Variants in KCNAB2 observed in about 807,000 individuals in gnomAD.
The protein encoded by KCNAB2 is voltage-gated potassium channel subunit beta-2.
A neutral mutation model predicts 63.6 loss-of-function variants in KCNAB2; 29 were observed. The ratio of observed to expected loss-of-function variants is 0.46; its 90% CI spans 0.34 to 0.62. KCNAB2 has a LOEUF of 0.62. KCNAB2 is among the 20% of genes least tolerant of loss of function. The pLI is 0.01. For missense variants in KCNAB2, 359 were observed against 563.9 expected (o/e 0.64, Z 3.68); for synonymous variants, 222 against 224.2 (o/e 0.99, Z 0.09).
In KCNAB2 at chr1:6,099,657, C is replaced by T; in HGVS notation, c.*1083C>T. ...GGGTTTTGTGGAGCGCATGCTTGGACCCTTTCAGTAAGGAAGGGTCTTTGG... is the reference window on the plus strand; with the variant it reads ...GGGTTTTGTGGAGCGCATGCTTGGATCCTTTCAGTAAGGAAGGGTCTTTGG... On this transcript the variant is annotated 3_prime_UTR_variant, in exon 16 of 16. Transcript: ENST00000378083. The T allele has an allele frequency of 8.6e-7, 1 of 1,162,510 alleles. No individual in the cohort carries two copies. Among genetic ancestry groups the T allele is most frequent in the Non-Finnish European group, 1.2e-6 (1 of 855,822 alleles). 72.0% of individuals were successfully genotyped at this position (1,162,510 alleles called of 1,614,324 possible).
intron 8 of KCNAB2, among the ~76,000 whole-genome samples, chr1:6,089,412 T>C (rs4908764): frequency 0.83 from 126,474 of 152,304 alleles, 53,250 homozygotes; most frequent in East Asian, 0.98. Context: ...CTGGGATGCC[T>C]GCAGCGCCCA....
chr1:6,058,754 G>C (rs1662059162), intron 2 of KCNAB2, among the ~76,000 whole-genome samples: 1 of 152,258 alleles, frequency 6.6e-6, no homozygotes, highest in Admixed American at 6.5e-5. Flanking sequence ...GGAGGAGGGA[G>C]GGAGGCGAGC....
At chr1:6,010,531 C>T (rs1480084272) in intron 1 of KCNAB2, among the ~76,000 whole-genome samples, 3 of 152,268 alleles carry the variant, frequency 2.0e-5, no homozygotes, top group Admixed American at 6.5e-5. Flanking sequence ...ACAGGCCTTG[C>T]TCTGAACAGC....
intron 2 of KCNAB2, among the ~76,000 whole-genome samples, chr1:6,052,403 G>A (rs1196634576): frequency 6.6e-6 from 1 of 151,796 alleles, no homozygotes; most frequent in Non-Finnish European, 1.5e-5. Flanking sequence ...TCCAGGCTGG[G>A]TGACAGAGCG....
At chr1:6,095,465 G>GCGC in intron 12 of KCNAB2, 22 bp downstream of exon 12, 137 of 1,584,350 alleles carry the variant, frequency 8.6e-5, no homozygotes, top group Non-Finnish European at 1.1e-4. Flanking sequence ...CGGGCCCCTC[G>GCGC]CCCCGCCCCA....
In KCNAB2 at chr1:6,095,361, G is replaced by A. The variant is rs367915512; in HGVS notation, c.771G>A (p.Pro257=). ...YSVARQFNLT[P]PICEQAEYHM... ...TGGCCCGGCAGTTCAACCTGACCCCGCCCATCTGCGAGCAGGCTGAGTACC... is the reference window on the plus strand; with the variant it reads ...TGGCCCGGCAGTTCAACCTGACCCCACCCATCTGCGAGCAGGCTGAGTACC... The change falls in exon 12 of 16, where the codon CCG becomes CCA. Residue 257 remains proline (P), a synonymous_variant. Coordinates refer to ENST00000378083, the MANE Select transcript of KCNAB2 (RefSeq NM_001199862.2). The A allele has an allele frequency of 7.1e-5, 115 of 1,612,956 alleles. No homozygotes were observed. The highest frequency in any genetic ancestry group is 4.8e-4 in the African/African-American group (36 of 75,054).
intron 2 of KCNAB2, among the ~76,000 whole-genome samples, chr1:6,063,089 C>T (rs1662456217): frequency 6.6e-6 from 1 of 151,350 alleles, no homozygotes; most frequent in African/African-American, 2.4e-5. Flanking sequence ...TGCAGTAGCG[C>T]AACCTCGGCT....
chr1:6,049,388 C>T (rs776235846), intron 1 of KCNAB2, among the ~76,000 whole-genome samples: 10 of 152,206 alleles, frequency 6.6e-5, no homozygotes, highest in Non-Finnish European at 1.3e-4. Flanking sequence ...CACAGGACAG[C>T]TAGAAAGGAA....
chr1:6,006,818 T>G (rs1352784824), intron 1 of KCNAB2, among the ~76,000 whole-genome samples: 1 of 150,504 alleles, frequency 6.6e-6, no homozygotes, highest in Non-Finnish European at 1.5e-5. Flanking sequence ...TGAGTTCCCC[T>G]GTGCAAGTGG....
rs116578487 is a variant in KCNAB2, at chr1:6,059,016, G to A, written c.218+7262G>A. ...TCTCCAGCCCCAGCTTCCCTAAAGGGACAGAACAGCCCTTCCCTCCCCCAC... is the reference window on the plus strand; with the variant it reads ...TCTCCAGCCCCAGCTTCCCTAAAGGAACAGAACAGCCCTTCCCTCCCCCAC... On this transcript the variant is annotated intron_variant, in intron 2 of 15. Transcript: ENST00000378083. Among the ~76,000 whole-genome samples, 551 of 152,228 alleles carry A rather than the reference G, an allele frequency of 3.6e-3. 7 individuals are homozygous for A. The highest frequency in any genetic ancestry group is 0.013 in the African/African-American group (535 of 41,520).
rs558784461 is a variant in KCNAB2 at position 6,090,370 on chromosome 1, C to G, written c.515-19C>G. On this transcript the variant is annotated intron_variant, in intron 8 of 15. Coordinates refer to ENST00000378083, the MANE Select transcript of KCNAB2 (RefSeq NM_001199862.2). The stretch of plus-strand genomic sequence containing the variant: ...ATGGAGCCACAGCAGTGACGCCCCC[C>G]CACCTGGTCCTCCCCCAGGTCTGAA... 14 of 1,585,386 alleles carry G rather than the reference C, an allele frequency of 8.8e-6. No individual in the cohort carries two copies. The Admixed American group carries it at 1.7e-4, about 19-fold the overall frequency.
intron 2 of KCNAB2, 119 bp from the exon 3 acceptor site, chr1:6,072,636 C>A: frequency 1.8e-6 from 2 of 1,116,610 alleles, no homozygotes; most frequent in Non-Finnish European, 2.7e-6. Context: ...CCTTTCGGAG[C>A]CTCCAAACAC....
intron 1 of KCNAB2, among the ~76,000 whole-genome samples, chr1:6,002,277 C>T (rs552908885): frequency 1.4e-4 from 22 of 152,362 alleles, no homozygotes; most frequent in African/African-American, 4.6e-4. Context: ...GGGATCCTCC[C>T]CAAGGGGTCT....
rs961416449 is a variant in KCNAB2, at chr1:5,994,580, A to C, written c.-53+1792A>C. Among the ~76,000 whole-genome samples the C allele has an allele frequency of 1.3e-5, 2 of 151,914 alleles. No homozygotes were observed. The highest frequency in any genetic ancestry group is 2.9e-5 in the Non-Finnish European group (2 of 67,986). On this transcript the variant is annotated intron_variant, in intron 1 of 16. Coordinates refer to the KCNAB2 transcript ENST00000341524. The surrounding 1 kb of genome is among the most constrained non-coding windows in gnomAD (Gnocchi z 5.4). ...AAATGCTTTGTAGGTGCTAGTCAACACCTGGGGGCTGAGCCAGGCACTGGA... is the reference window on the plus strand; with the variant it reads ...AAATGCTTTGTAGGTGCTAGTCAACCCCTGGGGGCTGAGCCAGGCACTGGA...
rs1662996889 is a variant in KCNAB2 at position 6,069,224 on chromosome 1, T to C, written c.219-3531T>C. Reference sequence around the variant, plus strand: ...CAGGGCACTAACAGGAGCCACCCCATGTGCCTTCCTCCGCAACCAGCTAGC... The same window carrying C: ...CAGGGCACTAACAGGAGCCACCCCACGTGCCTTCCTCCGCAACCAGCTAGC... On this transcript the variant is annotated intron_variant, in intron 2 of 15. Transcript: ENST00000378083. This position sits in a 1 kb window ranked among gnomAD's most constrained non-coding sequence, Gnocchi z 5.4. 6.6e-6 allele frequency among the ~76,000 whole-genome samples: 1 copy of C among 152,204 alleles called. No homozygotes were observed. Among genetic ancestry groups the C allele is most frequent in the Non-Finnish European group, 1.5e-5 (1 of 68,032 alleles).
At chr1:6,000,359 C>CT (rs1657182315) in intron 1 of KCNAB2, among the ~76,000 whole-genome samples, 1 of 152,212 alleles carries the variant, frequency 6.6e-6, no homozygotes, top group African/African-American at 2.4e-5. Context: ...AAAACCTCCC[C>CT]GTTCCGCAGG....
chr1:6,062,310 G>A (rs1195525385), intron 2 of KCNAB2, among the ~76,000 whole-genome samples: 1 of 150,316 alleles, frequency 6.7e-6, no homozygotes, highest in African/African-American at 2.4e-5. Flanking sequence ...AAAAAAAAAA[G>A]AAGTCCAAAA....
Position 6,078,192 on chromosome 1 carries a change from GAT to G in KCNAB2, c.301-4001_301-4000del, listed in dbSNP as rs1663852537. ...GCATCCCCCAGTCTCTGCCCCTGTGGATACTCTCCGTCCTCCTCTTCTGTCAG... is the reference window on the plus strand; with the variant it reads ...GCATCCCCCAGTCTCTGCCCCTGTGGACTCTCCGTCCTCCTCTTCTGTCAG... On this transcript the variant is annotated intron_variant, in intron 4 of 15. Coordinates refer to ENST00000378083, the MANE Select transcript of KCNAB2 (RefSeq NM_001199862.2). The surrounding 1 kb of genome is among the most constrained non-coding windows in gnomAD (Gnocchi z 4.2). Among the ~76,000 whole-genome samples, 1 of 152,176 alleles carries G rather than the reference GAT, an allele frequency of 6.6e-6. No homozygotes were observed. Among genetic ancestry groups the G allele is most frequent in the East Asian group, 1.9e-4 (1 of 5,188 alleles).
intron 4 of KCNAB2, among the ~76,000 whole-genome samples, chr1:6,079,152 A>C (rs373715693): frequency 6.6e-6 from 1 of 152,186 alleles, no homozygotes; most frequent in African/African-American, 2.4e-5. Flanking sequence ...ATGCTGCCGC[A>C]GGCTGCCCTC....
Sources: allele counts gnomAD v4.1 joint callset (sites outside exome capture counted in the v4.1 genomes callset), GRCh38; gene constraint gnomAD v4.1.1; non-coding constraint Gnocchi (gnomAD v3.1); transcripts MANE v1.5; gene names NCBI Gene and HGNC (gene_info 2026-07-23, HGNC 2026-07-21).